Variants in XYLT1 observed in about 807,000 individuals in gnomAD.
XYLT1 encodes beta-D-xylosyltransferase 1.
Under a neutral mutation model 91.3 loss-of-function variants are expected in XYLT1, and 36 were observed. The ratio of observed to expected loss-of-function variants is 0.39; its 90% CI spans 0.30 to 0.52. The LOEUF (loss-of-function observed/expected upper bound fraction) is 0.52, where lower values mean the gene tolerates loss of function less well. XYLT1 is among the 20% of genes least tolerant of loss of function. XYLT1 has a pLI of 0.68. For missense variants in XYLT1, 1,242 were observed against 1,284.5 expected (o/e 0.97, Z 0.51); for synonymous variants, 588 against 532.0 (o/e 1.11, Z -1.45).
At chr16:17,360,517 T>G (rs1184734812) in intron 1 of XYLT1, among the ~76,000 whole-genome samples, 2 of 152,190 alleles carry the variant, frequency 1.3e-5, no homozygotes, top group African/African-American at 4.8e-5. Flanking sequence ...AGCATCTTCA[T>G]TAACTAACTG....
chr16:17,358,077 G>A lies in XYLT1; in HGVS notation c.364-27C>T, dbSNP rs372557927. On this transcript the variant is annotated intron_variant, in intron 1 of 11. Coordinates refer to ENST00000261381, the MANE Select transcript of XYLT1 (RefSeq NM_022166.4). ...TGTAGGATGAAAGGAGAAAATGCAC[G>A]TGAGGAGTGAAAAAAAGTTAACTTA... is the stretch of plus-strand genomic sequence containing the variant. 104 of 1,605,788 alleles carry A rather than the reference G, an allele frequency of 6.5e-5. No homozygotes were observed. In the African/African-American group the frequency reaches 1.0e-3, roughly 16 times the overall value.
intron 1 of XYLT1, among the ~76,000 whole-genome samples, chr16:17,437,013 C>T (rs61064486): frequency 0.25 from 37,800 of 151,904 alleles, 5,639 homozygotes; most frequent in African/African-American, 0.41. Context: ...CAGACCTGTG[C>T]GAAATGATCC....
At chr16:17,327,507 C>T (rs1427150744) in intron 2 of XYLT1, among the ~76,000 whole-genome samples, 5 of 149,854 alleles carry the variant, frequency 3.3e-5, no homozygotes, top group Admixed American at 3.3e-4. Flanking sequence ...GGACTACAGG[C>T]ACCCACCACC....
At chr16:17,321,080 C>A (rs2034711397) in intron 2 of XYLT1, among the ~76,000 whole-genome samples, 1 of 152,002 alleles carries the variant, frequency 6.6e-6, no homozygotes, top group Admixed American at 6.6e-5. Flanking sequence ...AACTCTGAGG[C>A]CCATTGGAAT....
At chr16:17,328,078 C>G (rs115115431) in intron 2 of XYLT1, among the ~76,000 whole-genome samples, 227 of 152,256 alleles carry the variant, frequency 1.5e-3, no homozygotes, top group African/African-American at 4.2e-3. Context: ...CCACAGACCA[C>G]GTAACCTCCC....
At chr16:17,241,395 G>A (rs1326869679) in intron 3 of XYLT1, among the ~76,000 whole-genome samples, 5 of 152,198 alleles carry the variant, frequency 3.3e-5, no homozygotes, top group African/African-American at 1.2e-4. Flanking sequence ...GAAACAAACA[G>A]CGCTGTCAAG....
intron 2 of XYLT1, among the ~76,000 whole-genome samples, chr16:17,332,262 C>T (rs973491454): frequency 3.9e-5 from 6 of 152,100 alleles, no homozygotes; most frequent in African/African-American, 1.2e-4. Flanking sequence ...GAAGTGGAGG[C>T]GATCAAAACA....
At chr16:17,174,724 T>C (rs775553525) in intron 5 of XYLT1, among the ~76,000 whole-genome samples, 3 of 152,196 alleles carry the variant, frequency 2.0e-5, no homozygotes, top group Non-Finnish European at 4.4e-5. Flanking sequence ...CCATTGTGAA[T>C]GTATTAAGCG....
At chr16:17,138,691 G>C in intron 7 of XYLT1, 160 bp from the exon 8 acceptor site, 1 of 709,818 alleles carries the variant, frequency 1.4e-6, no homozygotes, top group South Asian at 2.3e-5. Context: ...TGTACAGCTT[G>C]CAGAACTGCA....
At chr16:17,464,167 A>G (rs4514662) in intron 1 of XYLT1, among the ~76,000 whole-genome samples, 107,363 of 151,806 alleles carry the variant, frequency 0.71, 38,352 homozygotes, top group East Asian at 0.96. Context: ...GGTGATTATC[A>G]TTAACAATAA....
chr16:17,126,930 A>C (rs979734862), intron 10 of XYLT1, among the ~76,000 whole-genome samples: 6 of 152,238 alleles, frequency 3.9e-5, no homozygotes, highest in African/African-American at 1.4e-4. Flanking sequence ...TCTTGTGAAC[A>C]ATCAATGAGT....
rs779267783 is a variant in XYLT1 at position 17,108,644 on chromosome 16, T to C, written c.*51A>G. 4 of 1,502,178 alleles carry C rather than the reference T, an allele frequency of 2.7e-6. No individual in the cohort carries two copies. In the Admixed American group the frequency reaches 7.8e-5, roughly 29 times the overall value. The allele number at this position is 1,502,178 out of a possible 1,614,324, so 93.1% of individuals were successfully genotyped here. On this transcript the variant is annotated 3_prime_UTR_variant, in exon 12 of 12. Coordinates refer to ENST00000261381, the MANE Select transcript of XYLT1 (RefSeq NM_022166.4). ...CGGGGTTCAGGCCCCACAACCCCTC[T>C]GGCTGCTTTCCCGTTGAGATCCTGC...
intron 2 of XYLT1, among the ~76,000 whole-genome samples, chr16:17,306,445 C>T (rs1050776408): frequency 5.3e-5 from 8 of 152,070 alleles, no homozygotes; most frequent in African/African-American, 1.9e-4. Flanking sequence ...CTCCAAGCTA[C>T]TCTGGAGGCT....
At chr16:17,235,842 C>T (rs1255410001) in intron 3 of XYLT1, among the ~76,000 whole-genome samples, 1 of 152,156 alleles carries the variant, frequency 6.6e-6, no homozygotes, top group East Asian at 1.9e-4. Flanking sequence ...TAATCACATA[C>T]ATCACTCTCT....
intron 6 of XYLT1, among the ~76,000 whole-genome samples, chr16:17,149,360 G>T (rs2031225674): frequency 6.6e-6 from 1 of 151,816 alleles, no homozygotes; most frequent in African/African-American, 2.4e-5. Flanking sequence ...TTCACAAGCA[G>T]CTAATATAGC....
intron 1 of XYLT1, among the ~76,000 whole-genome samples, chr16:17,412,365 A>G (rs1324638320): frequency 1.3e-5 from 2 of 151,940 alleles, no homozygotes; most frequent in Non-Finnish European, 2.9e-5. Context: ...CCTGGCGCAC[A>G]CACACGTACA....
Position 17,454,998 on chromosome 16 carries a change from T to C in XYLT1, c.363+15436A>G, listed in dbSNP as rs75224688. Reference sequence around the variant, plus strand: ...AACAGGCAAAGGACCAGATTTGGCTTGTAAGCTGGGGTTCGCCAACCCTGG... The same window carrying C: ...AACAGGCAAAGGACCAGATTTGGCTCGTAAGCTGGGGTTCGCCAACCCTGG... On this transcript the variant is annotated intron_variant, in intron 1 of 11. Transcript: ENST00000261381. Among the ~76,000 whole-genome samples the C allele has an allele frequency of 5.5e-3, 759 of 138,878 alleles. 5 individuals are homozygous for C. Among genetic ancestry groups the C allele is most frequent in the Non-Finnish European group, 8.4e-3 (556 of 66,408 alleles). 91.1% of individuals were successfully genotyped at this position (138,878 alleles called of 152,430 possible).
chr16:17,180,913 T>C (rs2032053102), intron 5 of XYLT1, among the ~76,000 whole-genome samples: 1 of 152,182 alleles, frequency 6.6e-6, no homozygotes, highest in Non-Finnish European at 1.5e-5. Flanking sequence ...CCTGCCCAGA[T>C]GTCCAAATCA....
intron 1 of XYLT1, among the ~76,000 whole-genome samples, chr16:17,384,193 T>C (rs1044907314): frequency 2.0e-5 from 3 of 151,812 alleles, no homozygotes; most frequent in African/African-American, 7.2e-5. Flanking sequence ...TGGGCTTCTA[T>C]AAAGCAGTTC....
Sources: gnomAD v4.1 joint callset for allele counts (sites outside exome capture counted in the v4.1 genomes callset) on GRCh38, gnomAD v4.1.1 for gene constraint, MANE v1.5 for transcripts, NCBI Gene and HGNC (gene_info 2026-07-23, HGNC 2026-07-21) for gene names.